Variants in ADGRL2 observed in about 807,000 individuals in gnomAD.
The protein encoded by ADGRL2 is calcium-independent alpha-latrotoxin receptor 2.
In ADGRL2, 44 loss-of-function variants were observed where a neutral mutation model predicts 157.4. The ratio of observed to expected loss-of-function variants is 0.28; its 90% confidence interval spans 0.22 to 0.36. The LOEUF (loss-of-function observed/expected upper bound fraction) is 0.36. Among genes scored for constraint, ADGRL2 ranks in the 10% least tolerant of loss-of-function variants. The pLI is 1.00. For synonymous variants in ADGRL2, 585 were observed against 624.7 expected (o/e 0.94, Z 0.95); for missense variants, 1,510 against 1,768.9 (o/e 0.85, Z 2.63).
intron 1 of ADGRL2, among the ~76,000 whole-genome samples, chr1:81,335,609 A>G (rs1233581225): frequency 6.6e-6 from 1 of 152,156 alleles, no homozygotes; most frequent in East Asian, 1.9e-4. Flanking sequence ...ATTAAACATA[A>G]TTTCCATGTA....
chr1:81,874,585 TTC>T (rs1407150564), intron 2 of ADGRL2, among the ~76,000 whole-genome samples: 3 of 152,102 alleles, frequency 2.0e-5, no homozygotes, highest in Non-Finnish European at 4.4e-5. Context: ...TTTTCTTTCT[TTC>T]TGTCTGTCTT....
rs1664811098 is a variant in ADGRL2 at position 81,993,001 on chromosome 1, G to C, written c.*1856G>C. Among the ~76,000 whole-genome samples the C allele has an allele frequency of 7.5e-6, 1 of 133,654 alleles. No homozygotes were observed. Among genetic ancestry groups the C allele is most frequent in the Admixed American group, 8.1e-5 (1 of 12,388 alleles). 87.7% of individuals were successfully genotyped at this position (133,654 alleles called of 152,430 possible). A position where few individuals can be genotyped will look rare whatever the true frequency, so the allele number is the denominator to read the frequency against. On this transcript the variant is annotated 3_prime_UTR_variant, in exon 24 of 24. Transcript: ENST00000686636. ...ATCACTTTTATGTGGACACACACAT[G>C]CCTATTGAATTTAAAAAGGAATGAG...
intron 1 of ADGRL2, among the ~76,000 whole-genome samples, chr1:81,801,813 C>T (rs1282236371): frequency 6.6e-6 from 1 of 152,210 alleles, no homozygotes; most frequent in Non-Finnish European, 1.5e-5. Flanking sequence ...CGAAGGGACT[C>T]CCAAGTCTGC....
At chr1:81,557,102 A>G in intron 2 of ADGRL2, 1 of 177,074 alleles carries the variant, frequency 5.6e-6, no homozygotes, top group Non-Finnish European at 1.3e-5. Flanking sequence ...CAGGCTGACC[A>G]CCTTTGCCTG....
upstream of ADGRL2, among the ~76,000 whole-genome samples, chr1:81,698,570 T>C (rs2083492337): frequency 6.6e-6 from 1 of 152,194 alleles, no homozygotes; most frequent in African/African-American, 2.4e-5. Context: ...GATGAAACTT[T>C]GATATTTGAG....
chr1:81,689,930 A>T (rs556882276), intron 3 of ADGRL2, among the ~76,000 whole-genome samples: 66 of 152,242 alleles, frequency 4.3e-4, no homozygotes, highest in African/African-American at 1.5e-3. Context: ...TCTTTGGATG[A>T]GATCTCTCTC....
At chr1:81,390,373 A>G (rs1486009375) in intron 1 of ADGRL2, among the ~76,000 whole-genome samples, 7 of 152,304 alleles carry the variant, frequency 4.6e-5, no homozygotes, top group African/African-American at 1.7e-4. Flanking sequence ...ATAACTGCAA[A>G]TGGTCTGCAC....
At chr1:81,619,566 A>G (rs185553496) in intron 3 of ADGRL2, among the ~76,000 whole-genome samples, 5 of 67,410 alleles carry the variant, frequency 7.4e-5, no homozygotes, top group Non-Finnish European at 1.8e-4. Flanking sequence ...AGTTGCCTCA[A>G]TGAGGCCTCA....
intron 1 of ADGRL2, among the ~76,000 whole-genome samples, chr1:81,336,019 G>T (rs1661617811): frequency 6.6e-6 from 1 of 152,102 alleles, no homozygotes; most frequent in South Asian, 2.1e-4. Flanking sequence ...TGTTTTAAGT[G>T]CAAGGCTGCT....
At chr1:81,876,283 G>A (rs2093839468) in intron 2 of ADGRL2, among the ~76,000 whole-genome samples, 1 of 152,042 alleles carries the variant, frequency 6.6e-6, no homozygotes, top group African/African-American at 2.4e-5. Context: ...ATACTTGTAA[G>A]TTAAATACCT....
intron 2 of ADGRL2, among the ~76,000 whole-genome samples, chr1:81,792,035 C>A (rs2087374813): frequency 6.6e-6 from 1 of 152,074 alleles, no homozygotes; most frequent in African/African-American, 2.4e-5. Flanking sequence ...GTGCGTATTT[C>A]TCCTTTGTTT....
At chr1:81,882,394 G>A (rs1320456841) in intron 2 of ADGRL2, among the ~76,000 whole-genome samples, 3 of 152,084 alleles carry the variant, frequency 2.0e-5, no homozygotes, top group African/African-American at 7.2e-5. Flanking sequence ...TTAAAAACTA[G>A]AGTAAAAAAC....
intron 2 of ADGRL2, among the ~76,000 whole-genome samples, chr1:81,563,167 G>C (rs564054036): frequency 6.6e-6 from 1 of 152,138 alleles, no homozygotes; most frequent in Admixed American, 6.6e-5. Flanking sequence ...AAATGGGCTC[G>C]TGTCACCCAT....
chr1:81,346,749 C>G (rs750645546), intron 1 of ADGRL2, among the ~76,000 whole-genome samples: 20 of 152,122 alleles, frequency 1.3e-4, no homozygotes, highest in South Asian at 6.2e-4. Flanking sequence ...CTTGGACTTC[C>G]CAGCCTCTAG....
chr1:81,475,572 G>A (rs2078255744), intron 2 of ADGRL2, among the ~76,000 whole-genome samples: 1 of 152,144 alleles, frequency 6.6e-6, no homozygotes, highest in Non-Finnish European at 1.5e-5. Context: ...TCATTTGATG[G>A]ATGAGGGAAA....
At chr1:81,874,039 TAA>T (rs2151067494) in intron 2 of ADGRL2, among the ~76,000 whole-genome samples, 1 of 152,298 alleles carries the variant, frequency 6.6e-6, no homozygotes, top group African/African-American at 2.4e-5. Flanking sequence ...TAAAAATGTG[TAA>T]AGAGTTTCTT....
At chr1:81,339,755 G>C (rs1472887512) in intron 1 of ADGRL2, among the ~76,000 whole-genome samples, 1 of 152,128 alleles carries the variant, frequency 6.6e-6, no homozygotes, top group Admixed American at 6.5e-5. Context: ...TACTCTCTTG[G>C]AATTTATCCT....
chr1:81,977,900 G>A (rs922110307), intron 17 of ADGRL2, among the ~76,000 whole-genome samples: 1 of 151,580 alleles, frequency 6.6e-6, no homozygotes, highest in African/African-American at 2.4e-5. Context: ...AGAAACAAAG[G>A]GAGAACAATT....
At chr1:81,648,456 C>G (rs1181689804) in intron 3 of ADGRL2, among the ~76,000 whole-genome samples, 1 of 152,160 alleles carries the variant, frequency 6.6e-6, no homozygotes, top group Non-Finnish European at 1.5e-5. Context: ...CATGTTGGAG[C>G]CTAAATATAA....
Sources: gnomAD v4.1 joint callset for allele counts (sites outside exome capture counted in the v4.1 genomes callset) on GRCh38, gnomAD v4.1.1 for gene constraint, MANE v1.5 for transcripts, NCBI Gene and HGNC (gene_info 2026-07-23, HGNC 2026-07-21) for gene names.